FRMD4B: variants seen among roughly 807,000 people sequenced by gnomAD.
FRMD4B encodes the protein FERM domain containing 4B.
In FRMD4B, 74 loss-of-function variants were observed where a neutral mutation model predicts 141.5. That is an observed-to-expected ratio of 0.52 (90% confidence interval 0.43 to 0.63). The LOEUF (loss-of-function observed/expected upper bound fraction) is 0.63. Ranked by LOEUF, FRMD4B falls within the 30% of genes least tolerant of loss-of-function variation. The probability of loss-of-function intolerance (pLI) is 0.00; values close to 1 mark genes in which losing one functional copy is unlikely to be tolerated. For missense variants in FRMD4B, 1,366 were observed against 1,253.4 expected, an observed-to-expected ratio of 1.09 and a Z score of -1.36; for synonymous variants, 506 against 467.9, an observed-to-expected ratio of 1.08 and a Z score of -1.05.
At chr3:69,532,664 T>C (rs1031161835) in intron 1 of FRMD4B, among the ~76,000 whole-genome samples, 2 of 152,190 alleles carry the variant, frequency 1.3e-5, no homozygotes, top group Non-Finnish European at 2.9e-5. Context: ...GGTTGAGTAT[T>C]ACACTTGGAT....
At chr3:69,426,901 G>C (rs1705088850) in intron 2 of FRMD4B, among the ~76,000 whole-genome samples, 1 of 152,146 alleles carries the variant, frequency 6.6e-6, no homozygotes, top group Admixed American at 6.5e-5. Flanking sequence ...CTCCATACTG[G>C]TACAACAGAG....
At chr3:69,472,291 T>A in intron 1 of FRMD4B, 4 of 412,588 alleles carry the variant, frequency 9.7e-6, no homozygotes, top group South Asian at 8.4e-5. Flanking sequence ...TCTGATGACA[T>A]TCTCTGCAAC....
chr3:69,300,639 A>G (rs1701183479), intron 4 of FRMD4B, among the ~76,000 whole-genome samples: 1 of 152,252 alleles, frequency 6.6e-6, no homozygotes. Flanking sequence ...CTGAAGACAT[A>G]ACGCTTTCAT....
chr3:69,348,855 A>AT (rs1703037674), intron 1 of FRMD4B, among the ~76,000 whole-genome samples: 1 of 152,208 alleles, frequency 6.6e-6, no homozygotes, highest in Non-Finnish European at 1.5e-5. Context: ...AGAGCTATTT[A>AT]GGACAAACCC....
At chr3:69,502,392 T>A (rs970428863) in intron 1 of FRMD4B, among the ~76,000 whole-genome samples, 4 of 152,168 alleles carry the variant, frequency 2.6e-5, no homozygotes, top group Non-Finnish European at 5.9e-5. Flanking sequence ...TCTACAGCCA[T>A]CTGATCTTTG....
At chr3:69,484,401 G>A (rs959261099) in intron 1 of FRMD4B, among the ~76,000 whole-genome samples, 1 of 152,158 alleles carries the variant, frequency 6.6e-6, no homozygotes, top group African/African-American at 2.4e-5. Flanking sequence ...TTGGGGTGTT[G>A]ATTTTCTGGC....
intron 4 of FRMD4B, chr3:69,293,015 A>C (rs1312254518): frequency 2.2e-6 from 1 of 454,664 alleles, no homozygotes; most frequent in Admixed American, 2.4e-5. Flanking sequence ...GAATTTGCTC[A>C]GGAAGGTTTT....
intron 1 of FRMD4B, among the ~76,000 whole-genome samples, chr3:69,509,109 A>G (rs1223795042): frequency 6.6e-6 from 1 of 152,204 alleles, no homozygotes; most frequent in Non-Finnish European, 1.5e-5. Context: ...CTTCTGCAGC[A>G]GTGGGGTTTG....
intron 5 of FRMD4B, among the ~76,000 whole-genome samples, chr3:69,260,189 A>C (rs373338642): frequency 1.7e-3 from 255 of 152,084 alleles, no homozygotes; most frequent in African/African-American, 6.0e-3. Context: ...CCTTAAGCCC[A>C]CCGCTGCACT....
chr3:69,181,281 A>G lies in FRMD4B; in HGVS notation c.2469T>C (p.Tyr823=), dbSNP rs570466637. 8 of 1,613,948 alleles carry G rather than the reference A, an allele frequency of 5.0e-6. 1 individual carries two copies. The East Asian group carries it at 1.6e-4, about 31-fold the overall frequency. The stretch of plus-strand genomic sequence containing the variant: ...GTCCCTCGGTGTCATTCTCATAGAC[A>G]TAACCACCACTGTAATAAAAGTCAC... The part of the protein sequence containing the change: ...AECDFYYSGG[Y]VYENDTEGQY... Residue 823 remains tyrosine (Y), a synonymous_variant, in exon 21 of 23, where the codon TAT becomes TAC. Coordinates refer to ENST00000398540, the MANE Select transcript of FRMD4B (RefSeq NM_015123.3).
intron 2 of FRMD4B, among the ~76,000 whole-genome samples, chr3:69,405,223 C>A (rs1041272521): frequency 1.3e-5 from 2 of 152,180 alleles, no homozygotes; most frequent in African/African-American, 2.4e-5. Flanking sequence ...TTCCTTTACA[C>A]GTGTCATTCA....
At chr3:69,172,628 G>T (rs1009208031) in intron 22 of FRMD4B, among the ~76,000 whole-genome samples, 1 of 152,172 alleles carries the variant, frequency 6.6e-6, no homozygotes, top group East Asian at 1.9e-4. Flanking sequence ...GGTGGCAGGG[G>T]CACATAGGGA....
intron 1 of FRMD4B, among the ~76,000 whole-genome samples, chr3:69,485,245 A>C (rs1706195782): frequency 6.6e-6 from 1 of 152,160 alleles, no homozygotes; most frequent in South Asian, 2.1e-4. Context: ...CAGAGATTGG[A>C]GTGGGAGCCA....
chr3:69,215,583 G>T (rs1394524659), intron 11 of FRMD4B, among the ~76,000 whole-genome samples: 1 of 151,840 alleles, frequency 6.6e-6, no homozygotes, highest in Non-Finnish European at 1.5e-5. Flanking sequence ...GAGTCACCAT[G>T]CCTGGCCTGT....
At chr3:69,313,746 C>T (rs533074945) in intron 1 of FRMD4B, among the ~76,000 whole-genome samples, 2 of 152,284 alleles carry the variant, frequency 1.3e-5, no homozygotes, top group East Asian at 3.9e-4. Flanking sequence ...AATGTCCATA[C>T]AGTCCACCAA....
intron 1 of FRMD4B, chr3:69,536,401 G>T (rs12633390): frequency 0.16 from 109,657 of 707,440 alleles, 9,405 homozygotes; most frequent in South Asian, 0.22. Context: ...AGTGGCCAGC[G>T]CCTGCTTCAG....
intron 1 of FRMD4B, among the ~76,000 whole-genome samples, chr3:69,529,713 G>A (rs1700985414): frequency 6.6e-6 from 1 of 152,198 alleles, no homozygotes; most frequent in Non-Finnish European, 1.5e-5. Context: ...AAGTTAGATA[G>A]TGCTTATTGT....
chr3:69,295,347 G>A (rs567708262), intron 4 of FRMD4B, among the ~76,000 whole-genome samples: 2 of 152,092 alleles, frequency 1.3e-5, no homozygotes, highest in East Asian at 1.9e-4. Context: ...TTTGAGACAG[G>A]GTCTTGCTCT....
At chr3:69,298,973 G>A (rs1443048869) in intron 4 of FRMD4B, among the ~76,000 whole-genome samples, 1 of 151,716 alleles carries the variant, frequency 6.6e-6, no homozygotes, top group African/African-American at 2.4e-5. Context: ...ATCTAGTATA[G>A]GGCCAGACAC....
Sources: gnomAD v4.1 joint callset for allele counts (sites outside exome capture counted in the v4.1 genomes callset) on GRCh38, gnomAD v4.1.1 for gene constraint, MANE v1.5 for transcripts, NCBI Gene and HGNC (gene_info 2026-07-23, HGNC 2026-07-21) for gene names.